FPR3: variants seen among roughly 807,000 people sequenced by gnomAD.
The protein encoded by FPR3 is N-formyl peptide receptor 3.
For synonymous variants in FPR3, 135 were observed against 163.6 expected (o/e 0.83, Z 1.34); for missense variants, 346 against 443.2 (o/e 0.78, Z 1.97).
At chr19:51,811,923 G>A (rs1332309500) in intron 1 of FPR3, among the ~76,000 whole-genome samples, 1 of 152,144 alleles carries the variant, frequency 6.6e-6, no homozygotes, top group East Asian at 1.9e-4. Flanking sequence ...ATCCCATGGG[G>A]TCTTCGGCTC....
chr19:51,823,290 G>T (rs759727759), intron 1 of FPR3, among the ~76,000 whole-genome samples: 2 of 152,134 alleles, frequency 1.3e-5, no homozygotes, highest in Non-Finnish European at 2.9e-5. Context: ...CCTCACAGTG[G>T]GAGGGACAGG....
At chr19:51,806,021 C>G (rs550628230) in intron 1 of FPR3, among the ~76,000 whole-genome samples, 1 of 152,328 alleles carries the variant, frequency 6.6e-6, no homozygotes, top group South Asian at 2.1e-4. Flanking sequence ...TACAGGTCAA[C>G]TGGGTATTGT....
intron 1 of FPR3, among the ~76,000 whole-genome samples, chr19:51,802,043 C>A (rs192678538): frequency 6.6e-6 from 1 of 152,104 alleles, no homozygotes; most frequent in Non-Finnish European, 1.5e-5. Flanking sequence ...AAATGAGGCC[C>A]CTTAGTCCCC....
chr19:51,800,178 G>C (rs914437901), intron 1 of FPR3, among the ~76,000 whole-genome samples: 2 of 152,222 alleles, frequency 1.3e-5, no homozygotes, highest in Non-Finnish European at 2.9e-5. Context: ...AGCCGGTGCT[G>C]CTGAGGCCAG....
At chr19:51,798,455 A>G (rs2084012156) in intron 1 of FPR3, among the ~76,000 whole-genome samples, 1 of 152,230 alleles carries the variant, frequency 6.6e-6, no homozygotes, top group African/African-American at 2.4e-5. Context: ...GGAAGACCTC[A>G]GTGAAAGTGA....
chr19:51,820,880 G>A (rs2084183128), intron 1 of FPR3, among the ~76,000 whole-genome samples: 1 of 152,230 alleles, frequency 6.6e-6, no homozygotes, highest in Admixed American at 6.5e-5. Context: ...GGTGTGCTCA[G>A]TGCTCACACA....
At chr19:51,797,874 A>ATTTTTTTT (rs1161472789) in intron 1 of FPR3, among the ~76,000 whole-genome samples, 99 of 35,610 alleles carry the variant, frequency 2.8e-3, no homozygotes, top group Middle Eastern at 0.029. Context: ...TTCCATGTCT[A>ATTTTTTTT]TTCTTTTTTT....
At chr19:51,820,853 T>C (rs920730627) in intron 1 of FPR3, among the ~76,000 whole-genome samples, 1 of 152,224 alleles carries the variant, frequency 6.6e-6, no homozygotes, top group African/African-American at 2.4e-5. Flanking sequence ...GGTTAGTCAA[T>C]ATTCACCGTG....
At chr19:51,815,836 T>C (rs2084131579) in intron 1 of FPR3, among the ~76,000 whole-genome samples, 1 of 147,794 alleles carries the variant, frequency 6.8e-6, no homozygotes, top group Non-Finnish European at 1.5e-5. Flanking sequence ...GACTCCAGCC[T>C]GGGTGATAGA....
chr19:51,800,317 C>T (rs570626624), intron 1 of FPR3, among the ~76,000 whole-genome samples: 10 of 152,224 alleles, frequency 6.6e-5, no homozygotes, highest in African/African-American at 1.9e-4. Context: ...GCTCATTGTT[C>T]GGTTTTGAAG....
chr19:51,825,106 C>T lies in FPR3; in HGVS notation c.*296C>T, dbSNP rs1343500776. The T allele has an allele frequency of 6.7e-6, 2 of 298,038 alleles. No homozygotes were observed. Among genetic ancestry groups the T allele is most frequent in the East Asian group, 1.3e-4 (2 of 14,868 alleles). The allele number at this position is 298,038 out of a possible 1,614,324, so 18.5% of individuals were successfully genotyped here. ...TTGAGACACAAGTCACAAATCCAGG[C>T]TTCTGAAACTTCGGACCAACCAGCT... On this transcript the variant is annotated 3_prime_UTR_variant, in exon 2 of 2. Coordinates refer to ENST00000339223, the MANE Select transcript of FPR3 (RefSeq NM_002030.5).
At chr19:51,823,642 C>T in intron 1 of FPR3, 97 bp from the exon 2 acceptor site, 1 of 940,582 alleles carries the variant, frequency 1.1e-6, no homozygotes, top group South Asian at 1.8e-5. Context: ...TGGGGAGGGT[C>T]TGCTGGTAGG....
At chr19:51,799,963 C>T (rs901534528) in intron 1 of FPR3, among the ~76,000 whole-genome samples, 1 of 152,246 alleles carries the variant, frequency 6.6e-6, no homozygotes, top group African/African-American at 2.4e-5. Flanking sequence ...GCTCGATCCT[C>T]AGCTCTACCT....
chr19:51,818,050 C>T (rs890027792), intron 1 of FPR3, among the ~76,000 whole-genome samples: 5 of 151,390 alleles, frequency 3.3e-5, no homozygotes, highest in African/African-American at 7.3e-5. Flanking sequence ...GATGAGTTCA[C>T]GTCCTTTTTA....
intron 1 of FPR3, among the ~76,000 whole-genome samples, chr19:51,813,386 C>G (rs1599835968): frequency 1.3e-5 from 2 of 152,134 alleles, no homozygotes; most frequent in East Asian, 3.9e-4. Context: ...AATACCATCA[C>G]CTTGGTATGA....
chr19:51,811,081 G>T (rs2084093517), intron 1 of FPR3, among the ~76,000 whole-genome samples: 1 of 149,296 alleles, frequency 6.7e-6, no homozygotes, highest in Non-Finnish European at 1.5e-5. Context: ...GATTCTTTCA[G>T]ATTTTTAGAT....
chr19:51,810,908 A>G (rs11670020), intron 1 of FPR3, among the ~76,000 whole-genome samples: 19,506 of 152,228 alleles, frequency 0.13, 1,521 homozygotes, highest in South Asian at 0.3. Flanking sequence ...GGGGCTCTCC[A>G]GCTATGGCAG....
chr19:51,797,877 CTTT>C (rs753127261), intron 1 of FPR3, among the ~76,000 whole-genome samples: 4 of 71,518 alleles, frequency 5.6e-5, no homozygotes, highest in African/African-American at 5.8e-5. Context: ...CATGTCTATT[CTTT>C]TTTTTTTTTT....
rs535885231 is a variant in FPR3, at chr19:51,795,793, G to A, written c.-11+462G>A. Among the ~76,000 whole-genome samples, 32 of 152,072 alleles carry A rather than the reference G, an allele frequency of 2.1e-4. 1 individual carries two copies. The highest frequency in any genetic ancestry group is 3.4e-3 in the Middle Eastern group (1 of 294). ...CTCCCAAAGTGCTGGGATTACAGGC[G>A]TGAGCCAATGTGACTGGCCAATTCT... On this transcript the variant is annotated intron_variant, in intron 1 of 1. Coordinates refer to ENST00000339223, the MANE Select transcript of FPR3 (RefSeq NM_002030.5).
Sources: allele counts gnomAD v4.1 joint callset (sites outside exome capture counted in the v4.1 genomes callset), GRCh38; gene constraint gnomAD v4.1.1; transcripts MANE v1.5; gene names NCBI Gene and HGNC (gene_info 2026-07-23, HGNC 2026-07-21).